The following DGLUCY variants were observed in gnomAD, a reference collection of about 807,000 sequenced individuals.
The protein encoded by DGLUCY is D-glutamate cyclase, mitochondrial.
DGLUCY carries 58 observed loss-of-function variants against 58.5 expected under a neutral mutation model. The observed-to-expected ratio is 0.99, with a 90% CI of 0.80 to 1.23. The LOEUF (loss-of-function observed/expected upper bound fraction) is 1.23, where lower values mean the gene tolerates loss of function less well. Ranked by LOEUF, DGLUCY falls within the 50% of genes most tolerant of loss-of-function variation. The pLI, the probability that DGLUCY is intolerant of heterozygous loss-of-function variation, is 0.00. For missense variants in DGLUCY, 779 were observed against 784.7 expected (o/e 0.99, Z 0.09); for synonymous variants, 325 against 314.1 (o/e 1.03, Z -0.37).
intron 1 of DGLUCY, among the ~76,000 whole-genome samples, chr14:91,117,593 T>C (rs1288576457): frequency 6.6e-6 from 1 of 151,750 alleles, no homozygotes; most frequent in East Asian, 1.9e-4. Flanking sequence ...AATGACATAG[T>C]ACATGAAAAG....
At chr14:91,073,709 T>C (rs377267040) in intron 1 of DGLUCY, among the ~76,000 whole-genome samples, 2 of 152,180 alleles carry the variant, frequency 1.3e-5, no homozygotes, top group East Asian at 3.9e-4. Flanking sequence ...GAGCAGCCTC[T>C]AGGAGTTAAG....
At chr14:91,101,147 G>C (rs563446713) in intron 1 of DGLUCY, among the ~76,000 whole-genome samples, 1 of 152,268 alleles carries the variant, frequency 6.6e-6, no homozygotes, top group African/African-American at 2.4e-5. Flanking sequence ...TTTTATGGGT[G>C]TCAATAAAGA....
intron 8 of DGLUCY, 43 bp downstream of exon 8, chr14:91,181,432 A>G (rs1169349708): frequency 7.0e-6 from 11 of 1,574,146 alleles, no homozygotes; most frequent in East Asian, 4.5e-5. Context: ...CAGGTAAGAA[A>G]CAACACATTT....
rs148808524 is a variant in DGLUCY at position 91,222,189 on chromosome 14, G to T, written c.1717-2495G>T. Reference sequence around the variant, plus strand: ...TACCACCTCTGCCTCTTAGAAGATGGCATGGTCATTCCGTGATTCTTGGAA... The same window carrying T: ...TACCACCTCTGCCTCTTAGAAGATGTCATGGTCATTCCGTGATTCTTGGAA... On this transcript the variant is annotated intron_variant, in intron 13 of 13. Coordinates refer to ENST00000256324, the MANE Select transcript of DGLUCY (RefSeq NM_001102368.3). 1.9e-3 allele frequency among the ~76,000 whole-genome samples: 282 copies of T among 152,310 alleles called. 2 individuals are homozygous for T. Among genetic ancestry groups the T allele is most frequent in the Middle Eastern group, 3.4e-3 (1 of 294 alleles).
intron 1 of DGLUCY, among the ~76,000 whole-genome samples, chr14:91,071,589 G>T (rs976342111): frequency 3.3e-5 from 5 of 152,080 alleles, no homozygotes; most frequent in Non-Finnish European, 7.4e-5. Flanking sequence ...CAAAATGTAG[G>T]CTAGGCGTGG....
intron 8 of DGLUCY, among the ~76,000 whole-genome samples, chr14:91,185,300 T>TTTTTTTTTA (rs2049442640): frequency 8.8e-6 from 1 of 113,796 alleles, no homozygotes; most frequent in Admixed American, 9.9e-5. Flanking sequence ...TTTTTTTTTT[T>TTTTTTTTTA]GAGACAGGTT....
intron 1 of DGLUCY, among the ~76,000 whole-genome samples, chr14:91,073,548 T>C (rs930230043): frequency 3.3e-5 from 5 of 152,234 alleles, no homozygotes; most frequent in Non-Finnish European, 7.3e-5. Flanking sequence ...TTGGCCAGGC[T>C]GGCCTCAAAC....
chr14:91,197,293 C>T (rs551727039), intron 10 of DGLUCY, among the ~76,000 whole-genome samples: 2 of 151,488 alleles, frequency 1.3e-5, no homozygotes, highest in African/African-American at 2.4e-5. Context: ...TTAGTAGGGA[C>T]GGGGTTTCGC....
At chr14:91,074,296 A>G in intron 1 of DGLUCY, among the ~76,000 whole-genome samples, 1 of 51,936 alleles carries the variant, frequency 1.9e-5, no homozygotes, top group South Asian at 5.3e-4. Flanking sequence ...CCCTGTCTCA[A>G]AAAAAAAAAA....
chr14:91,188,842 C>A (rs182370000), intron 8 of DGLUCY, 68 bp from the exon 9 acceptor site: 606 of 1,427,864 alleles, frequency 4.2e-4, no homozygotes, highest in Non-Finnish European at 5.4e-4. Context: ...TAAATAAATA[C>A]ATACATACAT....
chr14:91,104,761 C>T (rs2044559563), upstream of DGLUCY, among the ~76,000 whole-genome samples: 1 of 152,174 alleles, frequency 6.6e-6, no homozygotes, highest in South Asian at 2.1e-4. Flanking sequence ...TGTCCAGTGG[C>T]TTCAGATCAT....
intron 4 of DGLUCY, among the ~76,000 whole-genome samples, chr14:91,168,104 A>G (rs2048379599): frequency 1.3e-5 from 2 of 151,710 alleles, no homozygotes; most frequent in Admixed American, 1.3e-4. Flanking sequence ...GGTCTCTACA[A>G]ATTTTTTTTT....
chr14:91,180,632 C>T (rs1410007841), intron 7 of DGLUCY, among the ~76,000 whole-genome samples: 2 of 150,702 alleles, frequency 1.3e-5, no homozygotes, highest in African/African-American at 4.9e-5. Flanking sequence ...AGTATATTCA[C>T]AATGCTAAAA....
At chr14:91,119,278 T>G (rs989262531) in intron 1 of DGLUCY, among the ~76,000 whole-genome samples, 3 of 151,938 alleles carry the variant, frequency 2.0e-5, no homozygotes, top group Admixed American at 6.6e-5. Flanking sequence ...CTGCCTGTAG[T>G]GCGAAGAGGG....
intron 1 of DGLUCY, 45 bp downstream of exon 1, chr14:91,114,328 C>G (rs2140105431): frequency 6.6e-6 from 1 of 152,456 alleles, no homozygotes; most frequent in Non-Finnish European, 1.5e-5. Flanking sequence ...CTCCCTCCGC[C>G]CCAGGCAGTA....
At chr14:91,210,594 G>A (rs545941919) in intron 12 of DGLUCY, among the ~76,000 whole-genome samples, 2 of 152,132 alleles carry the variant, frequency 1.3e-5, no homozygotes, top group East Asian at 1.9e-4. Flanking sequence ...AATCCATTAC[G>A]TCAATAGGCT....
At chr14:91,080,112 T>G (rs934813043) in intron 1 of DGLUCY, among the ~76,000 whole-genome samples, 23 of 152,254 alleles carry the variant, frequency 1.5e-4, no homozygotes, top group African/African-American at 4.8e-4. Flanking sequence ...GATTCATCCA[T>G]GTTGTAGCAT....
chr14:91,165,883 T>G (rs2048255810), intron 3 of DGLUCY, among the ~76,000 whole-genome samples: 1 of 152,246 alleles, frequency 6.6e-6, no homozygotes, highest in Admixed American at 6.5e-5. Context: ...AATGCATGTT[T>G]GTGGCATTAA....
At chr14:91,131,099 A>G (rs1322337873) in intron 1 of DGLUCY, among the ~76,000 whole-genome samples, 1 of 152,078 alleles carries the variant, frequency 6.6e-6, no homozygotes, top group Non-Finnish European at 1.5e-5. Flanking sequence ...ACAGCCACGT[A>G]CTACCACGCC....
Sources: gnomAD v4.1 joint callset for allele counts (sites outside exome capture counted in the v4.1 genomes callset) on GRCh38, gnomAD v4.1.1 for gene constraint, MANE v1.5 for transcripts, NCBI Gene and HGNC (gene_info 2026-07-23, HGNC 2026-07-21) for gene names.